The following ZFYVE1 variants were observed in gnomAD, a reference collection of about 807,000 sequenced individuals.
The protein encoded by ZFYVE1 is zinc finger FYVE-type containing 1, also known as zinc finger FYVE domain-containing protein 1.
Under a neutral mutation model 74.4 loss-of-function variants are expected in ZFYVE1, and 30 were observed. The observed-to-expected ratio is 0.40, with a 90% CI of 0.30 to 0.55. ZFYVE1 has a LOEUF of 0.55. Among genes scored for constraint, ZFYVE1 ranks in the 20% least tolerant of loss-of-function variants. The probability of loss-of-function intolerance (pLI) is 0.42; values close to 1 mark genes in which losing one functional copy is unlikely to be tolerated. For missense variants in ZFYVE1, 703 were observed against 1,011.6 expected (o/e 0.69, Z 4.14); for synonymous variants, 335 against 385.1 (o/e 0.87, Z 1.52).
At chr14:73,000,733 T>C (rs1328973530) in intron 2 of ZFYVE1, among the ~76,000 whole-genome samples, 1 of 152,136 alleles carries the variant, frequency 6.6e-6, no homozygotes, top group African/African-American at 2.4e-5. Flanking sequence ...TCTAGCTATA[T>C]ACCCAAGAGA....
chr14:72,973,179 T>C (rs957821786), intron 11 of ZFYVE1, among the ~76,000 whole-genome samples: 29 of 151,724 alleles, frequency 1.9e-4, no homozygotes, highest in Admixed American at 6.6e-5. Flanking sequence ...CTGTCTGCAG[T>C]CCTAGGCCTC....
chr14:72,993,436 C>T (rs1287004683), intron 3 of ZFYVE1, 79 bp from the exon 4 acceptor site: 17 of 1,330,410 alleles, frequency 1.3e-5, no homozygotes, highest in Non-Finnish European at 1.7e-5. Flanking sequence ...GGCACGGTGG[C>T]CCACACCTGT....
At chr14:72,990,474 G>A (rs1029022821) in intron 4 of ZFYVE1, among the ~76,000 whole-genome samples, 11 of 151,286 alleles carry the variant, frequency 7.3e-5, no homozygotes, top group Non-Finnish European at 1.3e-4. Context: ...TCAGCTCACT[G>A]CAACCTCCGC....
chr14:73,002,495 T>C (rs1036396217), intron 2 of ZFYVE1, among the ~76,000 whole-genome samples: 1 of 151,988 alleles, frequency 6.6e-6, no homozygotes, highest in Admixed American at 6.6e-5. Flanking sequence ...CAGGCTGGAG[T>C]GCAGTGGCAT....
chr14:73,023,276 TTA>T (rs1246349800), intron 2 of ZFYVE1, among the ~76,000 whole-genome samples: 1,443 of 87,604 alleles, frequency 0.016, 7 homozygotes, highest in South Asian at 0.045. Flanking sequence ...ATAATATATA[TTA>T]TATATGTTTT....
chr14:72,989,902 C>A (rs1185622330), intron 4 of ZFYVE1, among the ~76,000 whole-genome samples: 1 of 151,922 alleles, frequency 6.6e-6, no homozygotes, highest in Non-Finnish European at 1.5e-5. Flanking sequence ...CCCACCCCAA[C>A]TCTTTTATCT....
At chr14:72,999,758 C>A (rs1185847682) in intron 2 of ZFYVE1, among the ~76,000 whole-genome samples, 1 of 152,146 alleles carries the variant, frequency 6.6e-6, no homozygotes, top group African/African-American at 2.4e-5. Flanking sequence ...TGTCATCCGC[C>A]TCATTAAAAT....
rs1240684330 is a variant in ZFYVE1, at chr14:72,993,345, T to G, written c.1001A>C (p.Glu334Ala). ...GTCCTGGATGAGCTTCTCTGGCACC[T>G]CTGAGGGATGATCTATACAAGCAGA... ...TQLLGSDHPS[E>A]VPEKLIQDRF... Residue 334 changes from glutamate to alanine, a missense_variant, in exon 4 of 12, where the codon GAG (glutamate) becomes GCG (alanine). Glu to Ala is a moderately radical substitution (Grantham distance 107, BLOSUM62 -1). Coordinates refer to ENST00000556143, the MANE Select transcript of ZFYVE1 (RefSeq NM_021260.4). 2 of 1,611,762 alleles carry G rather than the reference T, an allele frequency of 1.2e-6. No individual in the cohort carries two copies. Among genetic ancestry groups the G allele is most frequent in the South Asian group, 2.2e-5 (2 of 90,990 alleles).
At position 73,026,939 on chromosome 14, in the gene ZFYVE1, G is replaced by C. The variant is rs1416067800; in HGVS notation, c.-448C>G. 1.3e-5 allele frequency: 5 copies of C among 398,530 alleles called. No individual in the cohort carries two copies. Among genetic ancestry groups the C allele is most frequent in the East Asian group, 1.1e-4 (3 of 28,046 alleles). 24.7% of individuals were successfully genotyped at this position (398,530 alleles called of 1,614,324 possible). A position where few individuals can be genotyped will look rare whatever the true frequency, so the allele number is the denominator to read the frequency against. On this transcript the variant is annotated 5_prime_UTR_variant, in exon 1 of 12. Transcript: ENST00000556143. ...CGGGGATCCCACCACTGAGAAGCTC[G>C]GCCGCAGCAAGGCGGCGTCGGGGGG...
Position 73,018,044 on chromosome 14 carries a change from G to A in ZFYVE1, c.483+5982C>T, listed in dbSNP as rs535847807. Among the ~76,000 whole-genome samples, 58 of 152,126 alleles carry A rather than the reference G, an allele frequency of 3.8e-4. 1 individual carries two copies. In the South Asian group the frequency reaches 0.011, roughly 30 times the overall value. ...CCACACTGGCATTCTTTCTAGCCTC[G>A]AACATGCCATCCAACCTTCATTTTC... On this transcript the variant is annotated intron_variant, in intron 2 of 11. Transcript: ENST00000556143.
chr14:72,979,102 C>A (rs755539127), intron 5 of ZFYVE1, 133 bp from the exon 6 acceptor site: 22 of 759,616 alleles, frequency 2.9e-5, no homozygotes, highest in Non-Finnish European at 4.6e-5. Context: ...AGATGCTGAA[C>A]ACAGAAAGGG....
chr14:73,020,434 C>A (rs1322847894), intron 2 of ZFYVE1, among the ~76,000 whole-genome samples: 1 of 152,090 alleles, frequency 6.6e-6, no homozygotes, highest in Non-Finnish European at 1.5e-5. Context: ...CTCACTGCAA[C>A]CTCCACTTCC....
intron 1 of ZFYVE1, among the ~76,000 whole-genome samples, chr14:73,026,356 A>C (rs4903094): frequency 0.11 from 15,979 of 152,094 alleles, 2,268 homozygotes; most frequent in African/African-American, 0.33. Flanking sequence ...CCCGCATTCC[A>C]AGGCCCCGAC....
chr14:73,006,199 G>A (rs916177354), intron 2 of ZFYVE1, among the ~76,000 whole-genome samples: 21 of 151,966 alleles, frequency 1.4e-4, no homozygotes, highest in Non-Finnish European at 2.9e-4. Context: ...GATTGTAGGC[G>A]TGAGCCACCG....
At chr14:73,022,673 T>C (rs1894341136) in intron 2 of ZFYVE1, among the ~76,000 whole-genome samples, 1 of 152,202 alleles carries the variant, frequency 6.6e-6, no homozygotes, top group Non-Finnish European at 1.5e-5. Flanking sequence ...AAACTTCACT[T>C]GAAAGCCCAC....
intron 4 of ZFYVE1, among the ~76,000 whole-genome samples, chr14:72,991,225 T>C (rs2140360569): frequency 6.9e-6 from 1 of 144,910 alleles, no homozygotes; most frequent in Admixed American, 7.2e-5. Flanking sequence ...AGTCTCGCTC[T>C]GTTGCCCAGG....
rs375988438 is a variant in ZFYVE1 at position 72,996,770 on chromosome 14, C to T, written c.988+1041G>A. On this transcript the variant is annotated intron_variant, in intron 3 of 11. Coordinates refer to ENST00000556143, the MANE Select transcript of ZFYVE1 (RefSeq NM_021260.4). Reference sequence around the variant, plus strand: ...ACGGAGGTATGCACAGAACACCGTGCGGTCGCCCCAACTAGACTGTGAGCT... The same window carrying T: ...ACGGAGGTATGCACAGAACACCGTGTGGTCGCCCCAACTAGACTGTGAGCT... Among the ~76,000 whole-genome samples, 5 of 152,170 alleles carry T rather than the reference C, an allele frequency of 3.3e-5. No individual in the cohort carries two copies. In the East Asian group the frequency reaches 5.8e-4, roughly 18 times the overall value.
Position 72,993,169 on chromosome 14 carries a change from G to A in ZFYVE1, c.1177C>T (p.Pro393Ser), listed in dbSNP as rs746468604. Residue 393 changes from proline (P) to serine (S), a missense_variant, in exon 4 of 12, where the codon CCG (proline) becomes TCG (serine). Pro to Ser is a moderately conservative substitution (Grantham distance 74). This residue lies in a region of ZFYVE1 where 492 missense variants were observed against 790.0 expected (regional missense o/e 0.62). Coordinates refer to ENST00000556143, the MANE Select transcript of ZFYVE1 (RefSeq NM_021260.4). The part of the protein sequence containing the change: ...ENNTTRSPRH[P>S]GVIFKALKAL... ...TTCAGGGCTTTGAAGATGACTCCCG[G>A]GTGCCGGGGAGAACGGGTGGTGTTA... The A allele has an allele frequency of 1.2e-6, 2 of 1,611,324 alleles. No individual in the cohort carries two copies. The highest frequency in any genetic ancestry group is 1.7e-6 in the Non-Finnish European group (2 of 1,178,282).
rs1028129065 is a variant in ZFYVE1 at position 73,003,157 on chromosome 14, C to G, written c.484-4842G>C. Among the ~76,000 whole-genome samples the G allele has an allele frequency of 3.6e-4, 53 of 148,586 alleles. 1 individual carries two copies. The highest frequency in any genetic ancestry group is 1.9e-4 in the Non-Finnish European group (13 of 67,618). On this transcript the variant is annotated intron_variant, in intron 2 of 11. Coordinates refer to ENST00000556143, the MANE Select transcript of ZFYVE1 (RefSeq NM_021260.4). ...GCAACCTCCGCCTTCTGGATTCAAG[C>G]CATTCTCCTGCCTCAGCCTCCAGAG...
Sources: gnomAD v4.1 joint callset for allele counts (sites outside exome capture counted in the v4.1 genomes callset) on GRCh38, gnomAD v4.1.1 for gene constraint, gnomAD v4.1.1 regional missense constraint, MANE v1.5 for transcripts, NCBI Gene and HGNC (gene_info 2026-07-23, HGNC 2026-07-21) for gene names.